Variants in AMMECR1 observed in about 807,000 individuals in gnomAD.
The protein encoded by AMMECR1 is AMMECR nuclear protein 1, also known as nuclear protein AMMECR1.
Under a neutral mutation model 22.5 loss-of-function variants are expected in AMMECR1, and 3 were observed. The observed-to-expected ratio is 0.13, with a 90% CI of 0.06 to 0.35. The LOEUF is 0.35. AMMECR1 is among the 10% of genes least tolerant of loss of function. The pLI, the probability that AMMECR1 is intolerant of heterozygous loss-of-function variation, is 1.00. For synonymous variants in AMMECR1, 130 were observed against 116.7 expected, an observed-to-expected ratio of 1.11 and a Z score of -0.74; for missense variants, 235 against 278.7, an observed-to-expected ratio of 0.84 and a Z score of 1.12.
rs1450367909 is a variant in AMMECR1, at chrX:110,200,287, T to C, written c.887+667A>G. ...GATTAATAATTTTGTCCATGCCCCT[T>C]CTATTCTCCTCCACTGTGAACTCAG... On this transcript the variant is annotated intron_variant, in intron 5 of 5. Transcript: ENST00000262844. Among the ~76,000 whole-genome samples, 3 of 111,505 alleles carry C rather than the reference T, an allele frequency of 2.7e-5. No homozygotes were observed. In the Admixed American group the frequency reaches 2.9e-4, roughly 11 times the overall value.
At chrX:110,313,297 T>C (rs1038758743) in intron 1 of AMMECR1, among the ~76,000 whole-genome samples, 4 of 112,494 alleles carry the variant, frequency 3.6e-5, no homozygotes, top group Admixed American at 9.4e-5. Flanking sequence ...CCACACTTAC[T>C]GATGTACTTT....
rs374626436 is a variant in AMMECR1, at chrX:110,240,508, TCAATG to T, written c.585-23881_585-23877del. Among the ~76,000 whole-genome samples, 32 of 93,135 alleles carry T rather than the reference TCAATG, an allele frequency of 3.4e-4. No individual in the cohort carries two copies. The South Asian group carries it at 0.014, about 39-fold the overall frequency. The allele number at this position is 93,135 out of a possible 115,157, so 80.9% of individuals were successfully genotyped here. Reference sequence around the variant, plus strand: ...AGGGCATTACATAATGGTAAAGGGATCAATGCAACAAGAAGAGCTAACTATCCTAA... The same window carrying T: ...AGGGCATTACATAATGGTAAAGGGATCAACAAGAAGAGCTAACTATCCTAA... On this transcript the variant is annotated intron_variant, in intron 2 of 5. Coordinates refer to ENST00000262844, the MANE Select transcript of AMMECR1 (RefSeq NM_015365.3).
intron 2 of AMMECR1, among the ~76,000 whole-genome samples, chrX:110,326,327 T>C (rs2068097749): frequency 8.9e-6 from 1 of 112,454 alleles, no homozygotes; most frequent in Admixed American, 9.4e-5. Context: ...TGTTTACATT[T>C]GTCCCAAAGT....
chrX:110,280,093 C>T (rs1284309886), intron 1 of AMMECR1, among the ~76,000 whole-genome samples: 1 of 111,194 alleles, frequency 9.0e-6, no homozygotes, highest in Non-Finnish European at 1.9e-5. Context: ...TATGTAATAA[C>T]TCTTTGAAAT....
upstream of AMMECR1, among the ~76,000 whole-genome samples, chrX:110,319,286 C>A (rs184448566): frequency 6.9e-3 from 779 of 112,103 alleles, 5 homozygotes; most frequent in African/African-American, 0.023. Context: ...GTATCTACAC[C>A]ATGCTAAAAC....
intron 1 of AMMECR1, among the ~76,000 whole-genome samples, chrX:110,274,727 GAC>G (rs1450802209): frequency 1.8e-5 from 2 of 111,753 alleles, no homozygotes; most frequent in Non-Finnish European, 3.8e-5. Context: ...TATAACTGCT[GAC>G]AGAGTTGGGT....
At chrX:110,412,862 A>G (rs1371002302) in intron 2 of AMMECR1, among the ~76,000 whole-genome samples, 7 of 112,515 alleles carry the variant, frequency 6.2e-5, no homozygotes, top group Non-Finnish European at 1.1e-4. Flanking sequence ...GGATAGACAG[A>G]CTGTCAACAC....
intron 2 of AMMECR1, among the ~76,000 whole-genome samples, chrX:110,223,518 A>G (rs1020562368): frequency 8.9e-5 from 10 of 112,054 alleles, no homozygotes; most frequent in African/African-American, 3.2e-4. Flanking sequence ...TAAGCTTGGA[A>G]ATGTGAAGAT....
chrX:110,316,948 C>T (rs1569404968), intron 1 of AMMECR1, among the ~76,000 whole-genome samples: 1 of 109,965 alleles, frequency 9.1e-6, no homozygotes, highest in Non-Finnish European at 1.9e-5. Flanking sequence ...GTGAGGAAGC[C>T]GGCAGTGCGC....
chrX:110,316,642 T>G (rs1334000403), intron 1 of AMMECR1, among the ~76,000 whole-genome samples: 2 of 110,359 alleles, frequency 1.8e-5, no homozygotes, highest in Non-Finnish European at 3.8e-5. Flanking sequence ...AGAATTAACC[T>G]GGCTTTTAGC....
intron 2 of AMMECR1, among the ~76,000 whole-genome samples, chrX:110,357,790 A>G (rs2068237978): frequency 8.9e-6 from 1 of 111,812 alleles, no homozygotes; most frequent in Non-Finnish European, 1.9e-5. Flanking sequence ...ATGTTTCTAC[A>G]TACCCACATT....
In AMMECR1 at chrX:110,362,714, C is replaced by A. The variant is rs571783163; in HGVS notation, c.-147-44865G>T. On this transcript the variant is annotated intron_variant, in intron 2 of 7. Coordinates refer to the AMMECR1 transcript ENST00000372057. The stretch of plus-strand genomic sequence containing the variant: ...TCTTACTGACTGTTCTTTCATACTT[C>A]CTTGGATCTCTTACAGGCACTAAAG... Among the ~76,000 whole-genome samples, 15 of 111,816 alleles carry A rather than the reference C, an allele frequency of 1.3e-4. No individual in the cohort carries two copies. The South Asian group carries it at 5.6e-3, about 42-fold the overall frequency.
upstream of AMMECR1, among the ~76,000 whole-genome samples, chrX:110,321,262 T>G (rs2068077962): frequency 9.0e-6 from 1 of 111,041 alleles, no homozygotes; most frequent in South Asian, 3.8e-4. Flanking sequence ...CTGCTGATAC[T>G]GGACTGCAGT....
intron 2 of AMMECR1, among the ~76,000 whole-genome samples, chrX:110,233,781 C>G (rs370656305): frequency 2.6e-4 from 29 of 112,110 alleles, no homozygotes; most frequent in African/African-American, 6.2e-4. Context: ...ACTCAACAAC[C>G]CTTCATGCTA....
At chrX:110,244,337 G>A (rs1287970807) in intron 2 of AMMECR1, among the ~76,000 whole-genome samples, 1 of 111,331 alleles carries the variant, frequency 9.0e-6, no homozygotes, top group African/African-American at 3.3e-5. Flanking sequence ...AATAGTCAGG[G>A]ATGTAACTTG....
chrX:110,342,809 A>G (rs1461225694), intron 2 of AMMECR1, among the ~76,000 whole-genome samples: 1 of 112,139 alleles, frequency 8.9e-6, no homozygotes, highest in African/African-American at 3.2e-5. Context: ...ACCTGTAAGC[A>G]TGACATACTT....
intron 2 of AMMECR1, among the ~76,000 whole-genome samples, chrX:110,360,014 G>A (rs1303614216): frequency 8.9e-6 from 1 of 112,158 alleles, no homozygotes. Context: ...GAAAAGCATA[G>A]TATTTGTAAA....
intron 3 of AMMECR1, among the ~76,000 whole-genome samples, chrX:110,203,803 G>T (rs1172633281): frequency 2.7e-5 from 3 of 111,793 alleles, no homozygotes; most frequent in Non-Finnish European, 5.7e-5. Flanking sequence ...GGAATAAAAA[G>T]TCCTCTGGGA....
intron 2 of AMMECR1, among the ~76,000 whole-genome samples, chrX:110,424,180 C>T (rs1213949693): frequency 9.0e-6 from 1 of 111,725 alleles, no homozygotes; most frequent in Non-Finnish European, 1.9e-5. Context: ...AGGATTCAAA[C>T]CCAGGTTTAT....
Sources: gnomAD v4.1 joint callset for allele counts (sites outside exome capture counted in the v4.1 genomes callset) on GRCh38, gnomAD v4.1.1 for gene constraint, MANE v1.5 for transcripts, NCBI Gene and HGNC (gene_info 2026-07-23, HGNC 2026-07-21) for gene names.